TOGARAM1: variants seen among roughly 807,000 people sequenced by gnomAD.
The protein encoded by TOGARAM1 is TOG array regulator of axonemal microtubules protein 1.
A neutral mutation model predicts 166.6 loss-of-function variants in TOGARAM1; 100 were observed. The ratio of observed to expected loss-of-function variants is 0.60; its 90% CI spans 0.51 to 0.71. The LOEUF is 0.71. Ranked by LOEUF, TOGARAM1 falls within the 30% of genes least tolerant of loss-of-function variation. The pLI is 0.00. For synonymous variants in TOGARAM1, 758 were observed against 763.8 expected (o/e 0.99, Z 0.13); for missense variants, 2,029 against 2,102.7 (o/e 0.96, Z 0.69).
chr14:45,041,139 A>C (rs550075081), intron 11 of TOGARAM1, among the ~76,000 whole-genome samples: 1 of 152,200 alleles, frequency 6.6e-6, no homozygotes, highest in East Asian at 1.9e-4. Context: ...GTGGTGGCTC[A>C]CGCCTGTAAT....
chr14:44,973,717 C>A (rs1450509082), intron 1 of TOGARAM1, among the ~76,000 whole-genome samples: 1 of 151,308 alleles, frequency 6.6e-6, no homozygotes, highest in East Asian at 1.9e-4. Context: ...CTTTCAATTT[C>A]TGTTTGTCTG....
chr14:44,999,986 T>TTGTA (rs1555345073), intron 3 of TOGARAM1, among the ~76,000 whole-genome samples: 2 of 151,984 alleles, frequency 1.3e-5, no homozygotes, highest in African/African-American at 4.8e-5. Flanking sequence ...TCTTATTTTA[T>TTGTA]TTTATTTATT....
chr14:45,000,520 C>T (rs1254093681), intron 3 of TOGARAM1, among the ~76,000 whole-genome samples: 1 of 152,146 alleles, frequency 6.6e-6, no homozygotes, highest in Non-Finnish European at 1.5e-5. Context: ...TAGGTTATTG[C>T]AAATGACAGG....
Position 45,009,060 on chromosome 14 carries a change from A to T in TOGARAM1, c.3052A>T (p.Ile1018Phe), listed in dbSNP as rs538114714. 6.2e-7 allele frequency: 1 copy of T among 1,613,936 alleles called. No homozygotes were observed. The highest frequency in any genetic ancestry group is 1.3e-5 in the African/African-American group (1 of 74,904). Reference sequence around the variant, plus strand: ...CCCGTCTCTGTCTTCCTCACCAAACATCAATTCTTACAGTGAAAGTGGAGT... The same window carrying T: ...CCCGTCTCTGTCTTCCTCACCAAACTTCAATTCTTACAGTGAAAGTGGAGT... ...DSPSLSSSPN[I>F]NSYSESGVYS... Residue 1018 changes from isoleucine to phenylalanine, a missense_variant, in exon 6 of 20, where the codon ATC becomes TTC. Ile to Phe is a conservative substitution (Grantham distance 21). Transcript: ENST00000361462.
intron 6 of TOGARAM1, among the ~76,000 whole-genome samples, chr14:45,009,454 T>C (rs1378226206): frequency 6.6e-6 from 1 of 152,210 alleles, no homozygotes; most frequent in Non-Finnish European, 1.5e-5. Flanking sequence ...TTTAGCTCTT[T>C]TCTGGATTAT....
At chr14:45,039,478 G>T (rs911809883) in intron 11 of TOGARAM1, among the ~76,000 whole-genome samples, 6 of 152,120 alleles carry the variant, frequency 3.9e-5, no homozygotes, top group African/African-American at 7.2e-5. Flanking sequence ...ATAGTGCCCA[G>T]GCTGTTTGTG....
At chr14:44,984,577 T>C (rs1443073673) in intron 1 of TOGARAM1, among the ~76,000 whole-genome samples, 2 of 151,304 alleles carry the variant, frequency 1.3e-5, no homozygotes, top group Non-Finnish European at 2.9e-5. Flanking sequence ...ACTTGAGGCC[T>C]GGGCAATATA....
intron 6 of TOGARAM1, 161 bp from the exon 7 acceptor site, chr14:45,011,814 T>TAC (rs1393996164): frequency 1.5e-5 from 8 of 538,590 alleles, no homozygotes; most frequent in Admixed American, 3.6e-5. Context: ...TGTGTGTGTA[T>TAC]ACACACACAC....
At chr14:44,964,951 T>TAAAAAAA (rs35780816) in intron 1 of TOGARAM1, among the ~76,000 whole-genome samples, 12 of 85,844 alleles carry the variant, frequency 1.4e-4, no homozygotes, top group South Asian at 4.9e-4. Flanking sequence ...ACTAGAAAAG[T>TAAAAAAA]AAAAAAAAAA....
chr14:45,043,827 G>T, intron 12 of TOGARAM1, 36 bp downstream of exon 12: 1 of 1,162,998 alleles, frequency 8.6e-7, no homozygotes, highest in South Asian at 1.2e-5. Flanking sequence ...AGGATTGTTA[G>T]AATAACAAAG....
At chr14:45,015,967 G>A (rs1880109498) in intron 7 of TOGARAM1, among the ~76,000 whole-genome samples, 3 of 152,042 alleles carry the variant, frequency 2.0e-5, no homozygotes, top group Admixed American at 2.0e-4. Context: ...TCAGTTTTCA[G>A]TTTTTTCGTT....
chr14:44,980,488 C>G (rs1415058520), intron 1 of TOGARAM1, among the ~76,000 whole-genome samples: 1 of 152,158 alleles, frequency 6.6e-6, no homozygotes, highest in East Asian at 1.9e-4. Flanking sequence ...TGAGACCAGC[C>G]TGGCCAACAT....
intron 6 of TOGARAM1, 50 bp from the exon 7 acceptor site, chr14:45,011,925 G>T: frequency 7.7e-7 from 1 of 1,305,712 alleles, no homozygotes; most frequent in Non-Finnish European, 1.1e-6. Flanking sequence ...TGTGAGTATT[G>T]AACAGCACTA....
rs201015706 is a variant in TOGARAM1, at chr14:45,068,602, C to T, written c.4928C>T (p.Ala1643Val). Residue 1643 changes from alanine (A) to valine (V), a missense_variant, in exon 18 of 20, where the codon GCG becomes GTG. Transcript: ENST00000361462. ...AATTCCAAGAATCCAGGCATCTATG[C>T]GGCTGCTACAAATGTTGTTCAGGCA... ...NLNSKNPGIY[A>V]AATNVVQALS... is the part of the protein sequence containing the mutation. 1.6e-5 allele frequency: 26 copies of T among 1,611,696 alleles called. No individual in the cohort carries two copies. The highest frequency in any genetic ancestry group is 1.6e-4 in the Middle Eastern group (1 of 6,076).
At position 45,071,760 on chromosome 14, in the gene TOGARAM1, A is replaced by G; in HGVS notation, c.5018A>G (p.Asn1673Ser). The change falls in exon 19 of 20, where the codon AAT (asparagine) becomes AGT (serine). Residue 1673 changes from asparagine to serine, a missense_variant. Asn to Ser is a conservative substitution (Grantham distance 46). Transcript: ENST00000361462. Reference sequence around the variant, plus strand: ...TTTTGCACAAAAGCTCAGTTTTTAAATGGAAAAGCAAAACAGGACATGACG... The same window carrying G: ...TTTTGCACAAAAGCTCAGTTTTTAAGTGGAAAAGCAAAACAGGACATGACG... The part of the protein sequence containing the change: ...QPFCTKAQFL[N>S]GKAKQDMTEK... 1.2e-6 allele frequency: 2 copies of G among 1,612,358 alleles called. 1 individual carries two copies. Among genetic ancestry groups the G allele is most frequent in the South Asian group, 2.2e-5 (2 of 90,456 alleles).
intron 18 of TOGARAM1, among the ~76,000 whole-genome samples, chr14:45,070,768 G>T (rs1490985893): frequency 6.6e-6 from 1 of 152,150 alleles, no homozygotes; most frequent in Non-Finnish European, 1.5e-5. Context: ...AGGGTCAATT[G>T]TAGTTATTTA....
chr14:44,983,272 A>C (rs1886624147), intron 1 of TOGARAM1, among the ~76,000 whole-genome samples: 1 of 152,196 alleles, frequency 6.6e-6, no homozygotes, highest in South Asian at 2.1e-4. Flanking sequence ...ATAGAGGAGG[A>C]AGTCTTTTTC....
At chr14:45,068,951 A>C (rs1364423434) in intron 18 of TOGARAM1, among the ~76,000 whole-genome samples, 3 of 151,986 alleles carry the variant, frequency 2.0e-5, no homozygotes, top group African/African-American at 7.2e-5. Context: ...TAAAGAAAAA[A>C]ATATAAAAAT....
chr14:44,985,928 G>T (rs1886770040), intron 1 of TOGARAM1, among the ~76,000 whole-genome samples: 1 of 152,134 alleles, frequency 6.6e-6, no homozygotes, highest in South Asian at 2.1e-4. Context: ...AAATCTTAAA[G>T]TTAGCTAAGG....
Sources: gnomAD v4.1 joint callset for allele counts (sites outside exome capture counted in the v4.1 genomes callset) on GRCh38, gnomAD v4.1.1 for gene constraint, MANE v1.5 for transcripts, NCBI Gene and HGNC (gene_info 2026-07-23, HGNC 2026-07-21) for gene names.